The following THRAP3 variants were observed in gnomAD, a reference collection of about 807,000 sequenced individuals.
THRAP3 encodes the protein thyroid hormone receptor associated protein 3.
Under a neutral mutation model 101.0 loss-of-function variants are expected in THRAP3, and 16 were observed. The ratio of observed to expected loss-of-function variants is 0.16; its 90% confidence interval spans 0.11 to 0.24. THRAP3 has a LOEUF of 0.24. Ranked by LOEUF, THRAP3 falls within the 10% of genes least tolerant of loss-of-function variation. The probability of loss-of-function intolerance (pLI) is 1.00; values close to 1 mark genes in which losing one functional copy is unlikely to be tolerated. For synonymous variants in THRAP3, 407 were observed against 422.6 expected (o/e 0.96, Z 0.45); for missense variants, 989 against 1,202.7 (o/e 0.82, Z 2.63).
At chr1:36,296,261 A>G (rs948926417) in intron 8 of THRAP3, among the ~76,000 whole-genome samples, 2 of 152,180 alleles carry the variant, frequency 1.3e-5, no homozygotes, top group African/African-American at 2.4e-5. Flanking sequence ...GGCGTGAGCC[A>G]CTGCACCTGG....
At chr1:36,220,972 A>AAAATATATATAT (rs1285765741), upstream of THRAP3, among the ~76,000 whole-genome samples, 1 of 94,126 alleles carries the variant, frequency 1.1e-5, no homozygotes, top group African/African-American at 4.7e-5. Context: ...AAAAAAAAAA[A>AAAATATATATAT]ATATATATAT....
At chr1:36,243,902 G>C (rs1363464043) in intron 1 of THRAP3, among the ~76,000 whole-genome samples, 3 of 145,378 alleles carry the variant, frequency 2.1e-5, no homozygotes, top group Admixed American at 2.0e-4. Flanking sequence ...CTCCCAGACG[G>C]GGCGGCTGGC....
chr1:36,304,636 C>G lies in THRAP3; in HGVS notation c.*619C>G. On this transcript the variant is annotated 3_prime_UTR_variant, in exon 12 of 12. Transcript: ENST00000354618. The stretch of plus-strand genomic sequence containing the variant: ...TTGTATGTCAAGGAGGAGTTTAAGG[C>G]CTTTCCGACCACCTTGTGTTCCCCT... 1 of 221,958 alleles carries G rather than the reference C, an allele frequency of 4.5e-6. No homozygotes were observed. Among genetic ancestry groups the G allele is most frequent in the Non-Finnish European group, 9.0e-6 (1 of 110,628 alleles). 13.7% of individuals were successfully genotyped at this position (221,958 alleles called of 1,614,324 possible).
chr1:36,276,914 C>T (rs1645668234), intron 2 of THRAP3, among the ~76,000 whole-genome samples: 1 of 152,102 alleles, frequency 6.6e-6, no homozygotes, highest in Non-Finnish European at 1.5e-5. Context: ...GGAGAAAATA[C>T]TTGCAAGTCA....
chr1:36,216,519 A>T, the THRAP3 span, among the ~76,000 whole-genome samples: 92 of 145,578 alleles, frequency 6.3e-4, no homozygotes, highest in African/African-American at 2.1e-3. Flanking sequence ...AAAAAAAAAA[A>T]TGCCGGGTGT....
chr1:36,225,679 TCTGTAATTC>T (rs1314776808), intron 1 of THRAP3, among the ~76,000 whole-genome samples: 1 of 152,212 alleles, frequency 6.6e-6, no homozygotes, highest in Non-Finnish European at 1.5e-5. Flanking sequence ...TGTAGTCTGT[TCTGTAATTC>T]TAGACAGTCT....
Position 36,303,788 on chromosome 1 carries a change from C to T in THRAP3, c.2647-8C>T. On this transcript the variant is annotated splice_polypyrimidine_tract_variant and splice_region_variant and intron_variant, in intron 11 of 11. Coordinates refer to ENST00000354618, the MANE Select transcript of THRAP3 (RefSeq NM_005119.4). ...TCTGGCACTGATGGCAATTTTCTTT[C>T]CCCTCAGCATGATGACCGTGAAGGC... 6.2e-7 allele frequency: 1 copy of T among 1,613,906 alleles called. No homozygotes were observed. Among genetic ancestry groups the T allele is most frequent in the Non-Finnish European group, 8.5e-7 (1 of 1,179,916 alleles).
At chr1:36,275,854 C>G (rs887734636) in intron 2 of THRAP3, among the ~76,000 whole-genome samples, 1 of 151,852 alleles carries the variant, frequency 6.6e-6, no homozygotes, top group African/African-American at 2.4e-5. Context: ...GACCCCGTCT[C>G]TACAAAATAC....
chr1:36,219,527 C>T (rs1476162012), upstream of THRAP3, among the ~76,000 whole-genome samples: 3 of 152,020 alleles, frequency 2.0e-5, no homozygotes, highest in African/African-American at 4.8e-5. Context: ...TGGGTTCAAG[C>T]GATTCTCCTG....
At chr1:36,269,700 A>G (rs993678178) in intron 2 of THRAP3, among the ~76,000 whole-genome samples, 1 of 152,062 alleles carries the variant, frequency 6.6e-6, no homozygotes, top group Admixed American at 6.6e-5. Flanking sequence ...CCTCCCAAGT[A>G]GCTGGGACTG....
At chr1:36,250,346 T>C (rs1012146128) in intron 1 of THRAP3, among the ~76,000 whole-genome samples, 2 of 151,838 alleles carry the variant, frequency 1.3e-5, no homozygotes, top group African/African-American at 2.4e-5. Context: ...CCCAAGTAGC[T>C]GGTACTACAG....
intron 1 of THRAP3, among the ~76,000 whole-genome samples, chr1:36,252,218 C>T (rs890956646): frequency 2.0e-4 from 30 of 152,290 alleles, no homozygotes; most frequent in African/African-American, 7.2e-4. Flanking sequence ...CTCCGCTTCC[C>T]GGGTTGAAGC....
chr1:36,268,439 C>T (rs3007214), intron 2 of THRAP3, among the ~76,000 whole-genome samples: 150,159 of 152,290 alleles, frequency 0.99, 74,068 homozygotes, highest in Middle Eastern at 1. Flanking sequence ...GGCAGTGTTA[C>T]ACCAGGCTTG....
chr1:36,298,701 T>C (rs977778362), intron 9 of THRAP3, among the ~76,000 whole-genome samples: 6 of 152,108 alleles, frequency 3.9e-5, no homozygotes, highest in African/African-American at 1.4e-4. Flanking sequence ...GAGGGCTTGC[T>C]ATGTTTCCCA....
At chr1:36,244,432 A>C (rs548928584) in intron 1 of THRAP3, among the ~76,000 whole-genome samples, 22 of 152,360 alleles carry the variant, frequency 1.4e-4, no homozygotes, top group African/African-American at 5.3e-4. Context: ...CAGCATGAGC[A>C]AACTGAAGTA....
chr1:36,286,981 C>T lies in THRAP3; in HGVS notation c.751C>T (p.Leu251Phe). ...GAGTCCTCGGGAGCGAAGCCCAGCT[C>T]TCAAAAGCCCCCTCCAGTCTGTGGT... ...ELSPRERSPALKSPLQSVVVR... is the reference protein window; with the variant it reads ...ELSPRERSPAFKSPLQSVVVR... The change falls in exon 4 of 12, where the codon CTC becomes TTC. Residue 251 changes from leucine (L) to phenylalanine (F), a missense_variant. By Grantham distance (22) the Leu-to-Phe change is conservative (BLOSUM62 0). Transcript: ENST00000354618. This position sits in a 1 kb window ranked among gnomAD's most constrained non-coding sequence, Gnocchi z 5.5. 1 of 1,614,260 alleles carries T rather than the reference C, an allele frequency of 6.2e-7. No homozygotes were observed. The highest frequency in any genetic ancestry group is 8.5e-7 in the Non-Finnish European group (1 of 1,180,044).
chr1:36,230,417 C>T (rs546705189), intron 1 of THRAP3, among the ~76,000 whole-genome samples: 32 of 152,216 alleles, frequency 2.1e-4, no homozygotes, highest in African/African-American at 7.7e-4. Context: ...CGCGCCCAGC[C>T]CTGGCTAATT....
chr1:36,228,431 A>G (rs552150577), intron 1 of THRAP3, among the ~76,000 whole-genome samples: 1 of 152,352 alleles, frequency 6.6e-6, no homozygotes, highest in Non-Finnish European at 1.5e-5. Context: ...CATGCTGGCC[A>G]GGCTGGTCTC....
intron 9 of THRAP3, among the ~76,000 whole-genome samples, chr1:36,299,346 G>A (rs1646000998): frequency 6.6e-6 from 1 of 151,776 alleles, no homozygotes; most frequent in Admixed American, 6.6e-5. Context: ...GGCTGAGGCG[G>A]GAGAATCGTT....
Sources: gnomAD v4.1 joint callset for allele counts (sites outside exome capture counted in the v4.1 genomes callset) on GRCh38, gnomAD v4.1.1 for gene constraint, Gnocchi (gnomAD v3.1) non-coding constraint, MANE v1.5 for transcripts, NCBI Gene and HGNC (gene_info 2026-07-23, HGNC 2026-07-21) for gene names.